KIR3DL3: variants seen among roughly 807,000 people sequenced by gnomAD.
KIR3DL3 encodes killer cell immunoglobulin-like receptor 3DL3.
A neutral mutation model predicts 34.9 loss-of-function variants in KIR3DL3; 27 were observed. The observed-to-expected ratio is 0.77, with a 90% CI of 0.57 to 1.07. KIR3DL3 has a LOEUF of 1.07. KIR3DL3 is among the 50% of genes least tolerant of loss of function. The pLI, the probability that KIR3DL3 is intolerant of heterozygous loss-of-function variation, is 0.00. For missense variants in KIR3DL3, 681 were observed against 528.5 expected, an observed-to-expected ratio of 1.29 and a Z score of -2.83; for synonymous variants, 217 against 200.2, an observed-to-expected ratio of 1.08 and a Z score of -0.71.
At position 54,726,041 on chromosome 19, in the gene KIR3DL3, C is replaced by G; in HGVS notation, c.71-12C>G. 6.3e-7 allele frequency: 1 copy of G among 1,594,146 alleles called. No individual in the cohort carries two copies. The highest frequency in any genetic ancestry group is 8.6e-7 in the Non-Finnish European group (1 of 1,164,650). On this transcript the variant is annotated splice_polypyrimidine_tract_variant and intron_variant, in intron 2 of 7. Coordinates refer to ENST00000291860, the MANE Select transcript of KIR3DL3 (RefSeq NM_153443.5). Reference sequence around the variant, plus strand: ...ATCCTCCTCTCTAAGGTGGTGCCTCCTTCTCCCCCAGGTGGTCAGGACAAG... The same window carrying G: ...ATCCTCCTCTCTAAGGTGGTGCCTCGTTCTCCCCCAGGTGGTCAGGACAAG...
chr19:54,726,051 A>G lies in KIR3DL3; in HGVS notation c.71-2A>G. 6.2e-7 allele frequency: 1 copy of G among 1,604,098 alleles called. No homozygotes were observed. Among genetic ancestry groups the G allele is most frequent in the Non-Finnish European group, 8.5e-7 (1 of 1,172,306 alleles). ...CTAAGGTGGTGCCTCCTTCTCCCCC[A>G]GGTGGTCAGGACAAGCCCTTCCTCT... is the stretch of plus-strand genomic sequence containing the variant. On this transcript the variant is annotated splice_acceptor_variant, in intron 2 of 7. Transcript: ENST00000291860. LOFTEE classifies it high-confidence loss of function.
intron 5 of KIR3DL3, 112 bp downstream of exon 5, chr19:54,729,898 C>A: frequency 2.0e-6 from 2 of 1,003,028 alleles, no homozygotes; most frequent in Non-Finnish European, 2.9e-6. Flanking sequence ...GAACACACAG[C>A]ATGGGTGTAA....
In KIR3DL3 at chr19:54,725,238, T is replaced by C; in HGVS notation, c.35-9T>C. Reference sequence around the variant, plus strand: ...CAGATGGATCATCCATCATGATCTTTCTTTCCAGGGTTCTTCTTGCTGGAG... The same window carrying C: ...CAGATGGATCATCCATCATGATCTTCCTTTCCAGGGTTCTTCTTGCTGGAG... On this transcript the variant is annotated splice_polypyrimidine_tract_variant and intron_variant, in intron 1 of 7. Coordinates refer to ENST00000291860, the MANE Select transcript of KIR3DL3 (RefSeq NM_153443.5). 1 of 1,597,564 alleles carries C rather than the reference T, an allele frequency of 6.3e-7. No individual in the cohort carries two copies. Among genetic ancestry groups the C allele is most frequent in the Non-Finnish European group, 8.5e-7 (1 of 1,171,102 alleles).
intron 6 of KIR3DL3, 150 bp downstream of exon 6, chr19:54,735,507 T>G: frequency 1.7e-6 from 1 of 597,842 alleles, no homozygotes; most frequent in Non-Finnish European, 2.9e-6. Context: ...AGCACCAGAC[T>G]CCCTGCCTCT....
At chr19:54,731,828 C>T (rs2240936) in intron 5 of KIR3DL3, among the ~76,000 whole-genome samples, 97,983 of 151,082 alleles carry the variant, frequency 0.65, 31,890 homozygotes, top group Admixed American at 0.7. Flanking sequence ...TCTTTACCCA[C>T]ACCTTTTTCT....
intron 7 of KIR3DL3, 27 bp from the exon 8 acceptor site, chr19:54,735,944 C>G (rs761196754): frequency 9.9e-6 from 16 of 1,610,318 alleles, no homozygotes; most frequent in Non-Finnish European, 1.3e-5. Flanking sequence ...GAGCACCCTC[C>G]CTCACTCAGC....
rs903951354 is a variant in KIR3DL3 at position 54,729,612 on chromosome 19, G to A, written c.775G>A (p.Ala259Thr). ...TGACATTTACCATCTATCCAGGGAG[G>A]CGGAGGCCGGTGAACTTAGGCTCAC... ...LFDIYHLSREAEAGELRLTAV... is the reference protein window; with the variant it reads ...LFDIYHLSRETEAGELRLTAV... Residue 259 changes from alanine (A) to threonine (T), a missense_variant, in exon 5 of 8, where the codon GCG becomes ACG. Transcript: ENST00000291860. 285 of 1,601,300 alleles carry A rather than the reference G, an allele frequency of 1.8e-4. 2 individuals are homozygous for A. In the East Asian group the frequency reaches 5.1e-3, roughly 28 times the overall value.
At chr19:54,735,693 G>T (rs2069460793) in intron 6 of KIR3DL3, 127 bp from the exon 7 acceptor site, 1 of 987,780 alleles carries the variant, frequency 1.0e-6, no homozygotes, top group African/African-American at 1.8e-5. Flanking sequence ...TAGAATGTCT[G>T]AGTCTGCTGT....
At chr19:54,734,594 G>C (rs2069227158) in intron 5 of KIR3DL3, among the ~76,000 whole-genome samples, 1 of 150,184 alleles carries the variant, frequency 6.7e-6, no homozygotes, top group Non-Finnish European at 1.5e-5. Context: ...AGGCTGTTCT[G>C]GGATGTTCCT....
chr19:54,735,975 C>G lies in KIR3DL3; in HGVS notation c.1112C>G (p.Ser371Cys). The change falls in exon 8 of 8, where the codon TCT becomes TGT. Residue 371 changes from serine (S) to cysteine (C), a missense_variant. By Grantham distance (112) the Ser-to-Cys change is moderately radical (BLOSUM62 -1). Transcript: ENST00000291860. ...AGNRTVNRED[S>C]DEQDPQEVTY... ...TCAGCATTTCCCTCCCTCCAGGACT[C>G]TGATGAACAAGACCCTCAGGAGGTG... 1.2e-6 allele frequency: 2 copies of G among 1,612,992 alleles called. No individual in the cohort carries two copies. Among genetic ancestry groups the G allele is most frequent in the South Asian group, 1.1e-5 (1 of 90,988 alleles).
At position 54,727,554 on chromosome 19, in the gene KIR3DL3, C is replaced by T. The variant is rs1177943584; in HGVS notation, c.356-57C>T. 5.9e-6 allele frequency: 9 copies of T among 1,526,558 alleles called. No homozygotes were observed. In the South Asian group the frequency reaches 6.1e-5, roughly 10 times the overall value. The allele number at this position is 1,526,558 out of a possible 1,614,324, so 94.6% of individuals were successfully genotyped here. A position where few individuals can be genotyped will look rare whatever the true frequency, so the allele number is the denominator to read the frequency against. On this transcript the variant is annotated intron_variant, in intron 3 of 7. Transcript: ENST00000291860. ...AGGGGAAGCCTCACTTATTTCAGGT[C>T]CCATGAATGGGATGAGAAAGGGAGA...
At chr19:54,730,864 C>T (rs2068716218) in intron 5 of KIR3DL3, among the ~76,000 whole-genome samples, 16 of 152,206 alleles carry the variant, frequency 1.1e-4, no homozygotes, top group Non-Finnish European at 2.4e-4. Context: ...CACATCTTGG[C>T]TACTGTGAAC....
chr19:54,731,401 T>C (rs2068775765), intron 5 of KIR3DL3, among the ~76,000 whole-genome samples: 1 of 151,464 alleles, frequency 6.6e-6, no homozygotes, highest in Non-Finnish European at 1.5e-5. Flanking sequence ...GCAACCCTGG[T>C]TGACTCAGCA....
Position 54,735,312 on chromosome 19 carries a change from A to G in KIR3DL3, c.1009A>G (p.Ile337Val). 1 of 1,504,768 alleles carries G rather than the reference A, an allele frequency of 6.6e-7. No homozygotes were observed. The highest frequency in any genetic ancestry group is 9.2e-7 in the Non-Finnish European group (1 of 1,086,588). The allele number at this position is 1,504,768 out of a possible 1,614,324, so 93.2% of individuals were successfully genotyped here. The change falls in exon 6 of 8, where the codon ATC (isoleucine) becomes GTC (valine). Residue 337 changes from isoleucine (I) to valine (V), a missense_variant. Ile to Val is a conservative substitution (Grantham distance 29). Coordinates refer to ENST00000291860, the MANE Select transcript of KIR3DL3 (RefSeq NM_153443.5). ...CTCAGTGGTCATCATCCCCTTTGCT[A>G]TCCTCCTCTTCTTTCTCCTTCATCG... is the stretch of plus-strand genomic sequence containing the variant. ...GTSVVIIPFA[I>V]LLFFLLHRWC...
chr19:54,735,151 A>G (rs2069337965), intron 5 of KIR3DL3, 102 bp from the exon 6 acceptor site: 1 of 935,594 alleles, frequency 1.1e-6, no homozygotes, highest in African/African-American at 1.6e-5. Context: ...CTTGTCCTAA[A>G]GAGACGTTGT....
intron 5 of KIR3DL3, among the ~76,000 whole-genome samples, chr19:54,732,212 T>C (rs2068876594): frequency 6.6e-6 from 1 of 151,700 alleles, no homozygotes. Flanking sequence ...GAAGCATCTG[T>C]GCACCAAATC....
chr19:54,728,372 G>A (rs2068431244), intron 4 of KIR3DL3, among the ~76,000 whole-genome samples: 1 of 148,058 alleles, frequency 6.8e-6, no homozygotes, highest in Non-Finnish European at 1.5e-5. Context: ...TTAAACCTCT[G>A]CCTTCCGTGC....
In KIR3DL3 at chr19:54,735,341, G is replaced by A. The variant is rs189445349; in HGVS notation, c.1038G>A (p.Trp346Ter). The change falls in exon 6 of 8, where the codon TGG becomes TGA. Residue 346 changes from tryptophan to a stop codon, truncating the protein, a stop_gained. Transcript: ENST00000291860. LOFTEE classifies it high-confidence loss of function. ...TCCTCTTCTTTCTCCTTCATCGCTGGTGTGCCAACAAAAAGAGTAAGTCTC... is the reference window on the plus strand; with the variant it reads ...TCCTCTTCTTTCTCCTTCATCGCTGATGTGCCAACAAAAAGAGTAAGTCTC... ...AILLFFLLHR[W>*]CANKKNAVVM... 2.8e-6 allele frequency: 4 copies of A among 1,417,404 alleles called. No homozygotes were observed. The highest frequency in any genetic ancestry group is 3.0e-6 in the Non-Finnish European group (3 of 1,005,832). The allele number at this position is 1,417,404 out of a possible 1,614,324, so 87.8% of individuals were successfully genotyped here. A position where few individuals can be genotyped will look rare whatever the true frequency, so the allele number is the denominator to read the frequency against.
chr19:54,727,162 G>C (rs929156449), intron 3 of KIR3DL3, among the ~76,000 whole-genome samples: 3 of 127,718 alleles, frequency 2.3e-5, no homozygotes, highest in African/African-American at 8.8e-5. Flanking sequence ...GCACAGACAT[G>C]AAAGGAGAGG....
Sources: gnomAD v4.1 joint callset for allele counts (sites outside exome capture counted in the v4.1 genomes callset) on GRCh38, gnomAD v4.1.1 for gene constraint, MANE v1.5 for transcripts, NCBI Gene and HGNC (gene_info 2026-07-23, HGNC 2026-07-21) for gene names.